The following TMEM132C variants were observed in gnomAD, a reference collection of about 807,000 sequenced individuals.
TMEM132C encodes the protein protein phosphatase 1, regulatory subunit 152.
In TMEM132C, 29 loss-of-function variants were observed where a neutral mutation model predicts 61.4. The observed-to-expected ratio is 0.47, with a 90% CI of 0.35 to 0.64. The LOEUF (loss-of-function observed/expected upper bound fraction) is 0.64. Among genes scored for constraint, TMEM132C ranks in the 30% least tolerant of loss-of-function variants. The pLI is 0.00. For synonymous variants in TMEM132C, 656 were observed against 633.1 expected (o/e 1.04, Z -0.54); for missense variants, 1,408 against 1,476.9 (o/e 0.95, Z 0.76).
intron 3 of TMEM132C, among the ~76,000 whole-genome samples, chr12:128,597,867 C>G (rs988919003): frequency 6.6e-6 from 1 of 152,094 alleles, no homozygotes; most frequent in East Asian, 1.9e-4. Flanking sequence ...AGGGAGCAAA[C>G]ATGCAGAGAG....
Position 128,697,249 on chromosome 12 carries a change from T to C in TMEM132C, c.1955T>C (p.Ile652Thr). Residue 652 changes from isoleucine (I) to threonine (T), a missense_variant, in exon 8 of 9, where the codon ATC (isoleucine) becomes ACC (threonine). Physicochemically the swap from Ile to Thr is moderately conservative, Grantham distance 89 (BLOSUM62 -1). Coordinates refer to ENST00000435159, the MANE Select transcript of TMEM132C (RefSeq NM_001136103.3). ...GTGTTGTCTCCACTGTCTGACTCCA[T>C]CCTGGCAGAGAAGACAATAACCGTG... ...IQVLSPLSDSILAEKTITVLD... is the reference protein window; with the variant it reads ...IQVLSPLSDSTLAEKTITVLD... The C allele has an allele frequency of 6.5e-7, 1 of 1,531,814 alleles. No homozygotes were observed. The highest frequency in any genetic ancestry group is 8.8e-7 in the Non-Finnish European group (1 of 1,131,050). The allele number at this position is 1,531,814 out of a possible 1,614,324, so 94.9% of individuals were successfully genotyped here.
intron 2 of TMEM132C, among the ~76,000 whole-genome samples, chr12:128,417,016 C>T (rs1450512679): frequency 1.3e-5 from 2 of 152,108 alleles, no homozygotes; most frequent in African/African-American, 2.4e-5. Context: ...GTCAGCGTAT[C>T]GGCGGCTTAT....
intron 2 of TMEM132C, among the ~76,000 whole-genome samples, chr12:128,475,439 G>GT (rs1871126368): frequency 6.6e-6 from 1 of 152,132 alleles, no homozygotes; most frequent in Non-Finnish European, 1.5e-5. Flanking sequence ...CTGGCATGCG[G>GT]TTGCACTTGG....
At chr12:128,508,499 G>T (rs1872457218) in intron 2 of TMEM132C, among the ~76,000 whole-genome samples, 1 of 152,174 alleles carries the variant, frequency 6.6e-6, no homozygotes, top group African/African-American at 2.4e-5. Flanking sequence ...TGGGGACATG[G>T]GTCCTGCTGC....
At chr12:128,438,146 T>C (rs567166168) in intron 2 of TMEM132C, 1 of 152,272 alleles carries the variant, frequency 6.6e-6, no homozygotes, top group East Asian at 1.9e-4. Flanking sequence ...CAAAAAAAAT[T>C]CCTTCTTAAA....
rs192398801 is a variant in TMEM132C at position 128,706,069 on chromosome 12, G to T, written c.3101G>T (p.Arg1034Leu). The stretch of plus-strand genomic sequence containing the variant: ...CACAGGTCAGCCGACTCCGGGGGGC[G>T]GCAGGGCAGAGAACAGAAGCAGGAC... ...QIHRSADSGG[R>L]QGREQKQDPL... Residue 1034 changes from arginine to leucine, a missense_variant, in exon 9 of 9, where the codon CGG becomes CTG. Physicochemically the swap from Arg to Leu is moderately radical, Grantham distance 102. Transcript: ENST00000435159. The T allele has an allele frequency of 2.6e-6, 4 of 1,551,638 alleles. No individual in the cohort carries two copies. The highest frequency in any genetic ancestry group is 2.7e-5 in the African/African-American group (2 of 73,140).
intron 4 of TMEM132C, among the ~76,000 whole-genome samples, chr12:128,628,618 C>T (rs76691871): frequency 0.037 from 5,579 of 151,462 alleles, 142 homozygotes; most frequent in Non-Finnish European, 0.057. Context: ...ATGTGGGCAG[C>T]GGACACTCTA....
chr12:128,302,452 C>T (rs1871628274), intron 1 of TMEM132C, among the ~76,000 whole-genome samples: 1 of 152,188 alleles, frequency 6.6e-6, no homozygotes. Context: ...CTTTTCATTC[C>T]TCTCTGAAAT....
chr12:128,335,902 A>T (rs958959405), intron 1 of TMEM132C, among the ~76,000 whole-genome samples: 4 of 152,348 alleles, frequency 2.6e-5, no homozygotes, highest in African/African-American at 9.6e-5. Flanking sequence ...TTTCTCTCTC[A>T]TAATTATTTT....
At chr12:128,591,086 A>G (rs1343042583) in intron 3 of TMEM132C, among the ~76,000 whole-genome samples, 1 of 152,138 alleles carries the variant, frequency 6.6e-6, no homozygotes, top group South Asian at 2.1e-4. Context: ...GCCACGCTTT[A>G]TTGTTTCTAA....
At chr12:128,323,234 C>G (rs1176844267) in intron 1 of TMEM132C, among the ~76,000 whole-genome samples, 7 of 152,150 alleles carry the variant, frequency 4.6e-5, no homozygotes. Flanking sequence ...GGAACCAGAG[C>G]CAAGAATTCT....
chr12:128,482,525 G>A (rs1871345050), intron 2 of TMEM132C, among the ~76,000 whole-genome samples: 1 of 152,144 alleles, frequency 6.6e-6, no homozygotes, highest in African/African-American at 2.4e-5. Context: ...TTTTTCTATT[G>A]TTTGGAATAA....
chr12:128,640,847 C>T (rs997284471), intron 4 of TMEM132C, among the ~76,000 whole-genome samples: 19 of 152,308 alleles, frequency 1.2e-4, no homozygotes, highest in African/African-American at 4.3e-4. Flanking sequence ...GATTACAGCA[C>T]TGCACTGCAG....
intron 3 of TMEM132C, among the ~76,000 whole-genome samples, chr12:128,572,962 G>A (rs1874947318): frequency 6.6e-6 from 1 of 152,246 alleles, no homozygotes; most frequent in African/African-American, 2.4e-5. Context: ...ACAGGTGCTG[G>A]AGAGGATGTG....
chr12:128,612,635 G>C (rs149477731), intron 3 of TMEM132C, among the ~76,000 whole-genome samples: 1 of 152,198 alleles, frequency 6.6e-6, no homozygotes, highest in Non-Finnish European at 1.5e-5. Context: ...TTTGGATTGG[G>C]ATTTGGAATA....
chr12:128,369,006 G>A (rs1017903982), intron 1 of TMEM132C, among the ~76,000 whole-genome samples: 1 of 152,204 alleles, frequency 6.6e-6, no homozygotes, highest in Non-Finnish European at 1.5e-5. Flanking sequence ...TTCTATGGGG[G>A]CATTTCAGTG....
At chr12:128,568,492 G>A (rs747687674) in intron 3 of TMEM132C, among the ~76,000 whole-genome samples, 1 of 152,098 alleles carries the variant, frequency 6.6e-6, no homozygotes, top group African/African-American at 2.4e-5. Context: ...CCGTGGACTG[G>A]GCATTATTCT....
At chr12:128,460,538 C>T (rs11059700) in intron 2 of TMEM132C, among the ~76,000 whole-genome samples, 3 of 152,158 alleles carry the variant, frequency 2.0e-5, no homozygotes, top group African/African-American at 4.8e-5. Context: ...CCGAGAGCTA[C>T]AGTATGGGTC....
At chr12:128,343,794 A>G (rs1873057826) in intron 1 of TMEM132C, among the ~76,000 whole-genome samples, 2 of 152,172 alleles carry the variant, frequency 1.3e-5, no homozygotes, top group African/African-American at 2.4e-5. Flanking sequence ...ACCATTATCC[A>G]ATTTCTGTCT....
Sources: gnomAD v4.1 joint callset for allele counts (sites outside exome capture counted in the v4.1 genomes callset) on GRCh38, gnomAD v4.1.1 for gene constraint, MANE v1.5 for transcripts, NCBI Gene and HGNC (gene_info 2026-07-23, HGNC 2026-07-21) for gene names.